The following COL28A1 variants were observed in gnomAD, a reference collection of about 807,000 sequenced individuals.
The protein encoded by COL28A1 is collagen type XXVIII alpha 1 chain, also known as collagen alpha-1(XXVIII) chain.
Under a neutral mutation model 150.2 loss-of-function variants are expected in COL28A1, and 161 were observed. That is an observed-to-expected ratio of 1.07 (90% CI 0.94 to 1.22). The LOEUF is 1.22. Among genes scored for constraint, COL28A1 ranks in the 50% most tolerant of loss-of-function variants. The probability of loss-of-function intolerance (pLI) is 0.00; values close to 1 mark genes in which losing one functional copy is unlikely to be tolerated. For missense variants in COL28A1, 1,617 were observed against 1,388.3 expected (o/e 1.16, Z -2.62); for synonymous variants, 552 against 469.7 (o/e 1.18, Z -2.26).
chr7:7,348,283 G>T, the COL28A1 span, among the ~76,000 whole-genome samples: 6 of 152,028 alleles, frequency 3.9e-5, no homozygotes, highest in Admixed American at 3.9e-4. Context: ...GTGTAAGGGG[G>T]AGGTGAAGAG....
intron 21 of COL28A1, among the ~76,000 whole-genome samples, chr7:7,440,331 C>T (rs540539366): frequency 3.9e-5 from 6 of 152,172 alleles, no homozygotes; most frequent in Admixed American, 6.5e-5. Flanking sequence ...TAGAGCATAT[C>T]GTTATCTTCT....
At chr7:7,542,004 T>A in the COL28A1 span, among the ~76,000 whole-genome samples, 1 of 152,116 alleles carries the variant, frequency 6.6e-6, no homozygotes, top group Non-Finnish European at 1.5e-5. Context: ...GCTGCAGGGT[T>A]TGGGAACAAA....
At chr7:7,429,184 A>G (rs1481623508) in intron 25 of COL28A1, among the ~76,000 whole-genome samples, 2 of 152,216 alleles carry the variant, frequency 1.3e-5, no homozygotes, top group Non-Finnish European at 1.5e-5. Flanking sequence ...AATGAAAAAC[A>G]TATCAGGATC....
In COL28A1 at chr7:7,521,970, A is replaced by C; in HGVS notation, c.703-9T>G. On this transcript the variant is annotated splice_polypyrimidine_tract_variant and intron_variant, in intron 4 of 34. Transcript: ENST00000399429. ...CAAATCTTGCGTTCACACTGAATCA[A>C]TAATGAAATATGATATTAACACACA... is the stretch of plus-strand genomic sequence containing the variant. 1 of 977,974 alleles carries C rather than the reference A, an allele frequency of 1.0e-6. No homozygotes were observed. Among genetic ancestry groups the C allele is most frequent in the Non-Finnish European group, 1.7e-6 (1 of 597,998 alleles). 60.6% of individuals were successfully genotyped at this position (977,974 alleles called of 1,614,324 possible).
At chr7:7,414,728 C>A (rs1783974781) in intron 27 of COL28A1, among the ~76,000 whole-genome samples, 2 of 152,218 alleles carry the variant, frequency 1.3e-5, no homozygotes, top group African/African-American at 4.8e-5. Flanking sequence ...ATTCATTCTA[C>A]AAATGGTAGC....
At chr7:7,542,018 T>G in the COL28A1 span, among the ~76,000 whole-genome samples, 1 of 152,160 alleles carries the variant, frequency 6.6e-6, no homozygotes, top group African/African-American at 2.4e-5. Context: ...GAACAAAATT[T>G]ACCAGTGTCT....
At chr7:7,450,164 A>C (rs1317611253) in intron 18 of COL28A1, among the ~76,000 whole-genome samples, 1 of 152,210 alleles carries the variant, frequency 6.6e-6, no homozygotes, top group Non-Finnish European at 1.5e-5. Flanking sequence ...ACTGCAAATC[A>C]GTGTGGTAAA....
intron 27 of COL28A1, among the ~76,000 whole-genome samples, chr7:7,393,091 T>A (rs1297908132): frequency 1.3e-5 from 2 of 152,210 alleles, no homozygotes; most frequent in African/African-American, 4.8e-5. Context: ...CTCATCTTCA[T>A]GGATTTATCT....
intron 18 of COL28A1, among the ~76,000 whole-genome samples, chr7:7,450,298 C>A (rs1307204240): frequency 6.6e-6 from 1 of 151,964 alleles, no homozygotes; most frequent in Non-Finnish European, 1.5e-5. Context: ...ATTTTAAAAA[C>A]AAAACACTAA....
At chr7:7,371,057 A>C (rs1424012272) in intron 32 of COL28A1, among the ~76,000 whole-genome samples, 175 bp from the exon 33 acceptor site, 1 of 152,174 alleles carries the variant, frequency 6.6e-6, no homozygotes, top group Non-Finnish European at 1.5e-5. Flanking sequence ...AGGTCATCTA[A>C]AATAATATAT....
At position 7,487,897 on chromosome 7, in the gene COL28A1, T is replaced by C. The variant is rs538985080; in HGVS notation, c.1164+1492A>G. 5.9e-5 allele frequency among the ~76,000 whole-genome samples: 9 copies of C among 152,262 alleles called. No homozygotes were observed. In the East Asian group the frequency reaches 1.7e-3, roughly 29 times the overall value. ...CCTGCTTGGATTCAAGCTGCCATGT[T>C]GTGAGGAAGCCCAAGCAACCACTGT... On this transcript the variant is annotated intron_variant, in intron 13 of 34. Coordinates refer to ENST00000399429, the MANE Select transcript of COL28A1 (RefSeq NM_001037763.3).
chr7:7,373,950 C>T lies in COL28A1; in HGVS notation c.2360-404G>A, dbSNP rs1268826498. Among the ~76,000 whole-genome samples the T allele has an allele frequency of 3.3e-5, 5 of 149,750 alleles. No individual in the cohort carries two copies. Among genetic ancestry groups the T allele is most frequent in the African/African-American group, 7.4e-5 (3 of 40,602 alleles). ...TCCTGACCTCGTGATATGCCCGCCT[C>T]GGCCTCCCAAAGTGCTGGGATTACA... On this transcript the variant is annotated intron_variant, in intron 31 of 34. Coordinates refer to ENST00000399429, the MANE Select transcript of COL28A1 (RefSeq NM_001037763.3). The surrounding 1 kb of genome is among the most constrained non-coding windows in gnomAD (Gnocchi z 4.1).
intron 1 of COL28A1, among the ~76,000 whole-genome samples, chr7:7,534,179 G>C (rs1340887448): frequency 6.6e-6 from 1 of 152,162 alleles, no homozygotes; most frequent in African/African-American, 2.4e-5. Flanking sequence ...CATCCAGCTG[G>C]AAGTGTATTA....
At chr7:7,354,055 G>T (rs1234568037), downstream of COL28A1, among the ~76,000 whole-genome samples, 3 of 151,526 alleles carry the variant, frequency 2.0e-5, no homozygotes, top group Non-Finnish European at 4.4e-5. Context: ...ATGGGGTCTT[G>T]GTGTCACTCT....
intron 11 of COL28A1, among the ~76,000 whole-genome samples, chr7:7,493,864 A>G (rs1780060523): frequency 6.6e-6 from 1 of 151,956 alleles, no homozygotes; most frequent in South Asian, 2.1e-4. Context: ...ACACACACAC[A>G]CACAAAGACA....
intron 1 of COL28A1, among the ~76,000 whole-genome samples, chr7:7,534,850 A>G (rs368225247): frequency 3.3e-5 from 5 of 152,200 alleles, no homozygotes; most frequent in African/African-American, 1.2e-4. Flanking sequence ...TTGTTAATCT[A>G]GCTCTCCCAA....
At chr7:7,508,941 C>G (rs1780974741) in intron 9 of COL28A1, among the ~76,000 whole-genome samples, 2 of 152,160 alleles carry the variant, frequency 1.3e-5, no homozygotes, top group Non-Finnish European at 1.5e-5. Flanking sequence ...TCAAGCAATT[C>G]TCCTGCTCCA....
upstream of COL28A1, among the ~76,000 whole-genome samples, chr7:7,539,701 A>G (rs1782752680): frequency 6.6e-6 from 1 of 152,198 alleles, no homozygotes; most frequent in South Asian, 2.1e-4. Flanking sequence ...TTCAGTTCCT[A>G]TGCCCTCACC....
At chr7:7,437,584 A>G in intron 21 of COL28A1, 122 bp from the exon 22 acceptor site, 1 of 1,355,312 alleles carries the variant, frequency 7.4e-7, no homozygotes, top group Non-Finnish European at 9.5e-7. Flanking sequence ...TATCTGTTTC[A>G]AAGACCAATG....
Sources: allele counts gnomAD v4.1 joint callset (sites outside exome capture counted in the v4.1 genomes callset), GRCh38; gene constraint gnomAD v4.1.1; non-coding constraint Gnocchi (gnomAD v3.1); transcripts MANE v1.5; gene names NCBI Gene and HGNC (gene_info 2026-07-23, HGNC 2026-07-21).